The following LAMB4 variants were observed in gnomAD, a reference collection of about 807,000 sequenced individuals.
The protein encoded by LAMB4 is laminin subunit beta 4, also known as laminin subunit beta-4.
LAMB4 carries 196 observed loss-of-function variants against 199.2 expected under a neutral mutation model. The ratio of observed to expected loss-of-function variants is 0.98; its 90% confidence interval spans 0.88 to 1.11. The LOEUF (loss-of-function observed/expected upper bound fraction) is 1.11. Among genes scored for constraint, LAMB4 ranks in the 50% least tolerant of loss-of-function variants. The probability of loss-of-function intolerance (pLI) is 0.00; values close to 1 mark genes in which losing one functional copy is unlikely to be tolerated. For missense variants in LAMB4, 2,080 were observed against 2,171.2 expected (o/e 0.96, Z 0.83); for synonymous variants, 744 against 770.6 (o/e 0.97, Z 0.57).
At chr7:108,072,127 C>T (rs1005791996) in intron 17 of LAMB4, among the ~76,000 whole-genome samples, 1 of 152,162 alleles carries the variant, frequency 6.6e-6, no homozygotes, top group African/African-American at 2.4e-5. Context: ...GACATTCTCA[C>T]AAAATGGCCC....
At position 108,025,340 on chromosome 7, in the gene LAMB4, G is replaced by A. The variant is rs147472661; in HGVS notation, c.5147-1162C>T. ...CAAAGATGAAAGAGCTAATGTGGAA[G>A]GTGGTGAGTGTTCTGTCACTAGATT... On this transcript the variant is annotated intron_variant, in intron 33 of 33. Coordinates refer to ENST00000388781, the MANE Select transcript of LAMB4 (RefSeq NM_007356.3). 5.7e-3 allele frequency among the ~76,000 whole-genome samples: 864 copies of A among 151,412 alleles called. 8 individuals carry two copies. The highest frequency in any genetic ancestry group is 0.025 in the Admixed American group (387 of 15,254).
chr7:108,101,335 G>T (rs1451964695), intron 10 of LAMB4, among the ~76,000 whole-genome samples: 4 of 152,078 alleles, frequency 2.6e-5, no homozygotes, highest in Non-Finnish European at 4.4e-5. Flanking sequence ...AAATAGGCTT[G>T]CTTCCACTTG....
At chr7:108,083,337 T>C (rs1463379768) in intron 14 of LAMB4, among the ~76,000 whole-genome samples, 1 of 152,190 alleles carries the variant, frequency 6.6e-6, no homozygotes, top group Admixed American at 6.5e-5. Context: ...ATTAATCCCC[T>C]ACATTGAGGG....
In LAMB4 at chr7:108,065,936, C is replaced by T; in HGVS notation, c.2679-17G>A. 1.2e-6 allele frequency: 2 copies of T among 1,606,854 alleles called. No individual in the cohort carries two copies. The highest frequency in any genetic ancestry group is 8.5e-7 in the Non-Finnish European group (1 of 1,176,416). On this transcript the variant is annotated splice_polypyrimidine_tract_variant and intron_variant, in intron 20 of 33. Transcript: ENST00000388781. ...TCAATACACCTGTCAAGACAATTTCCTTTCACCAAAATGTTTCCAGGAAAA... is the reference window on the plus strand; with the variant it reads ...TCAATACACCTGTCAAGACAATTTCTTTTCACCAAAATGTTTCCAGGAAAA...
rs767234392 is a variant in LAMB4 at position 108,069,790 on chromosome 7, T to C, written c.2220A>G (p.Ser740=). ...YQLHNCVEIA[S]AMGPQVLPGA... Reference sequence around the variant, plus strand: ...CCGGGAGCACTTGAGGTCCCATTGCTGAGGCAATTTCAACACAGTTGTGAA... The same window carrying C: ...CCGGGAGCACTTGAGGTCCCATTGCCGAGGCAATTTCAACACAGTTGTGAA... Residue 740 remains serine (S), a synonymous_variant, in exon 18 of 34, where the codon TCA becomes TCG. Transcript: ENST00000388781. 1 of 1,614,092 alleles carries C rather than the reference T, an allele frequency of 6.2e-7. No individual in the cohort carries two copies. Among genetic ancestry groups the C allele is most frequent in the South Asian group, 1.1e-5 (1 of 91,082 alleles).
In LAMB4 at chr7:108,063,852, C is replaced by T; in HGVS notation, c.2970G>A (p.Glu990=). 2 of 1,614,208 alleles carry T rather than the reference C, an allele frequency of 1.2e-6. No homozygotes were observed. The highest frequency in any genetic ancestry group is 1.7e-6 in the Non-Finnish European group (2 of 1,180,038). Residue 990 remains glutamate (E), a synonymous_variant, in exon 22 of 34, where the codon GAG becomes GAA. Transcript: ENST00000388781. ...DPESCSRVTG[E]CLRCLHNTQG... ...GAGTGTTGTGCAAACATCGAAGGCA[C>T]TCCCCTGTTACCCGGCTGCAGGACT... is the stretch of plus-strand genomic sequence containing the variant.
chr7:108,107,935 TG>T (rs1258927415), intron 5 of LAMB4, 116 bp from the exon 6 acceptor site: 16 of 776,506 alleles, frequency 2.1e-5, no homozygotes, highest in Non-Finnish European at 3.0e-5. Flanking sequence ...TGTATCTTTT[TG>T]TTGTTTGTTT....
At chr7:108,097,884 T>C (rs1303816336) in intron 11 of LAMB4, among the ~76,000 whole-genome samples, 1 of 152,232 alleles carries the variant, frequency 6.6e-6, no homozygotes, top group African/African-American at 2.4e-5. Context: ...TTCCCCGTGT[T>C]TGTTCCAGTG....
intron 11 of LAMB4, among the ~76,000 whole-genome samples, chr7:108,096,937 C>A (rs1197042153): frequency 8.3e-5 from 5 of 59,918 alleles, no homozygotes; most frequent in Non-Finnish European, 1.4e-4. Flanking sequence ...CTCTGTCTCT[C>A]TCAAAAAAAA....
intron 31 of LAMB4, among the ~76,000 whole-genome samples, chr7:108,033,782 A>T (rs1156822991): frequency 2.3e-5 from 3 of 129,798 alleles, no homozygotes; most frequent in East Asian, 4.4e-4. Flanking sequence ...CTCTGATGAG[A>T]TTTCATGCAC....
chr7:108,121,731 C>A (rs1431942719), intron 2 of LAMB4, among the ~76,000 whole-genome samples: 2 of 141,650 alleles, frequency 1.4e-5, no homozygotes, highest in African/African-American at 5.4e-5. Flanking sequence ...GCCTGGGCGA[C>A]AAGAATGAAA....
chr7:108,023,926 T>C lies in LAMB4; in HGVS notation c.*113A>G, dbSNP rs2034746313. On this transcript the variant is annotated 3_prime_UTR_variant, in exon 34 of 34. Coordinates refer to ENST00000388781, the MANE Select transcript of LAMB4 (RefSeq NM_007356.3). Reference sequence around the variant, plus strand: ...GCAGGTGTCTAATAAGGACAGGGTGTGGGGAAGGAAGGTAGAAGACATTGT... The same window carrying C: ...GCAGGTGTCTAATAAGGACAGGGTGCGGGGAAGGAAGGTAGAAGACATTGT... The C allele has an allele frequency of 1.2e-6, 1 of 848,196 alleles. No homozygotes were observed. Among genetic ancestry groups the C allele is most frequent in the East Asian group, 2.8e-5 (1 of 35,344 alleles). The allele number at this position is 848,196 out of a possible 1,614,324, so 52.5% of individuals were successfully genotyped here. A position where few individuals can be genotyped will look rare whatever the true frequency, so the allele number is the denominator to read the frequency against.
chr7:108,106,461 C>A, intron 7 of LAMB4, 48 bp downstream of exon 7: 1 of 1,117,336 alleles, frequency 8.9e-7, no homozygotes, highest in South Asian at 1.4e-5. Context: ...ATATGCCAAA[C>A]ATGAAATTTT....
chr7:108,023,895 C>T lies in LAMB4; in HGVS notation c.*144G>A. On this transcript the variant is annotated 3_prime_UTR_variant, in exon 34 of 34. Transcript: ENST00000388781. ...CTGGTGGCATTTCAACCTCCAGCCA[C>T]ACTGAGCAGGTGTCTAATAAGGACA... The T allele has an allele frequency of 2.0e-6, 1 of 503,722 alleles. No homozygotes were observed. Among genetic ancestry groups the T allele is most frequent in the South Asian group, 8.0e-5 (1 of 12,430 alleles). 31.2% of individuals were successfully genotyped at this position (503,722 alleles called of 1,614,324 possible).
intron 26 of LAMB4, among the ~76,000 whole-genome samples, chr7:108,050,139 C>T (rs2035781362): frequency 6.6e-6 from 1 of 152,140 alleles, no homozygotes; most frequent in African/African-American, 2.4e-5. Flanking sequence ...GGTTGTGTTC[C>T]ACTGAAGCAG....
At chr7:108,043,134 C>A (rs1407902039) in intron 29 of LAMB4, among the ~76,000 whole-genome samples, 1 of 151,902 alleles carries the variant, frequency 6.6e-6, no homozygotes, top group Non-Finnish European at 1.5e-5. Context: ...AGAGAACCAA[C>A]AAAAGAAGAC....
chr7:108,076,860 G>T, intron 17 of LAMB4, 84 bp downstream of exon 17: 1 of 1,448,950 alleles, frequency 6.9e-7, no homozygotes, highest in Non-Finnish European at 9.4e-7. Context: ...CATTTTTAAA[G>T]AAATATTTCA....
At chr7:108,094,995 G>A (rs1013264318) in intron 12 of LAMB4, among the ~76,000 whole-genome samples, 4 of 152,088 alleles carry the variant, frequency 2.6e-5, no homozygotes, top group Non-Finnish European at 5.9e-5. Flanking sequence ...GCCTGGGTCG[G>A]TTTAGTCCAG....
At chr7:108,109,792 T>C (rs1172214381) in intron 4 of LAMB4, among the ~76,000 whole-genome samples, 2 of 152,136 alleles carry the variant, frequency 1.3e-5, no homozygotes, top group Non-Finnish European at 2.9e-5. Context: ...TGTTTTGCAC[T>C]GAGCTAGTTA....
Sources: gnomAD v4.1 joint callset for allele counts (sites outside exome capture counted in the v4.1 genomes callset) on GRCh38, gnomAD v4.1.1 for gene constraint, MANE v1.5 for transcripts, NCBI Gene and HGNC (gene_info 2026-07-23, HGNC 2026-07-21) for gene names.